PIWIL3: variants seen among roughly 807,000 people sequenced by gnomAD.
PIWIL3 encodes piwi like RNA-mediated gene silencing 3.
In PIWIL3, 101 loss-of-function variants were observed where a neutral mutation model predicts 109.7. The ratio of observed to expected loss-of-function variants is 0.92; its 90% CI spans 0.78 to 1.09. The LOEUF (loss-of-function observed/expected upper bound fraction) is 1.09, where lower values mean the gene tolerates loss of function less well. PIWIL3 is among the 50% of genes least tolerant of loss of function. The probability of loss-of-function intolerance (pLI) is 0.00; values close to 1 mark genes in which losing one functional copy is unlikely to be tolerated. For missense variants in PIWIL3, 1,031 were observed against 1,072.6 expected (o/e 0.96, Z 0.54); for synonymous variants, 373 against 376.4 (o/e 0.99, Z 0.10).
At chr22:24,739,086 A>C (rs1008159107) in intron 12 of PIWIL3, among the ~76,000 whole-genome samples, 8 of 152,144 alleles carry the variant, frequency 5.3e-5, no homozygotes, top group Non-Finnish European at 8.8e-5. Flanking sequence ...TATTGAATAC[A>C]TCAGAGTCTC....
At chr22:24,751,037 T>C (rs1197087100) in intron 9 of PIWIL3, among the ~76,000 whole-genome samples, 1 of 151,478 alleles carries the variant, frequency 6.6e-6, no homozygotes, top group East Asian at 2.0e-4. Context: ...GGCAGGAAAA[T>C]TGCTTGAACC....
At chr22:24,740,557 A>C (rs1463837274) in intron 12 of PIWIL3, among the ~76,000 whole-genome samples, 1 of 151,406 alleles carries the variant, frequency 6.6e-6, no homozygotes, top group Non-Finnish European at 1.5e-5. Context: ...CAAAAAAAAA[A>C]AAAAGAAAGA....
chr22:24,773,022 G>A (rs959207676), intron 1 of PIWIL3, among the ~76,000 whole-genome samples: 2 of 152,136 alleles, frequency 1.3e-5, no homozygotes, highest in African/African-American at 2.4e-5. Flanking sequence ...TGCTCCACGT[G>A]TCTGTGTCCA....
At chr22:24,758,507 T>C (rs984254298) in intron 3 of PIWIL3, among the ~76,000 whole-genome samples, 2 of 152,254 alleles carry the variant, frequency 1.3e-5, no homozygotes, top group Non-Finnish European at 2.9e-5. Context: ...CATTCTAAGG[T>C]TCATATCGAT....
At chr22:24,769,077 T>C (rs1925972929) in intron 1 of PIWIL3, among the ~76,000 whole-genome samples, 1 of 152,152 alleles carries the variant, frequency 6.6e-6, no homozygotes, top group Non-Finnish European at 1.5e-5. Context: ...GGTTCCACAG[T>C]CTACCGCTGA....
At chr22:24,760,375 G>C (rs1925352962) in intron 2 of PIWIL3, among the ~76,000 whole-genome samples, 1 of 152,136 alleles carries the variant, frequency 6.6e-6, no homozygotes, top group African/African-American at 2.4e-5. Flanking sequence ...TTCTGCAGTT[G>C]GGAACGTTCA....
intron 12 of PIWIL3, among the ~76,000 whole-genome samples, chr22:24,743,113 A>G (rs764444559): frequency 6.6e-6 from 1 of 152,196 alleles, no homozygotes; most frequent in African/African-American, 2.4e-5. Context: ...ACAAATGGCC[A>G]ACATGAAAAC....
Position 24,762,524 on chromosome 22 carries a change from G to A in PIWIL3, c.-22-3C>T. 6.2e-7 allele frequency: 1 copy of A among 1,600,650 alleles called. No homozygotes were observed. The highest frequency in any genetic ancestry group is 8.5e-7 in the Non-Finnish European group (1 of 1,175,062). ...TTGTGGTCCTGAAGGTGATGACCCT[G>A]AAGAATACAGTTATATTAGACATCT... On this transcript the variant is annotated splice_polypyrimidine_tract_variant and splice_region_variant and intron_variant, in intron 1 of 20. Transcript: ENST00000616349.
chr22:24,746,561 G>C (rs917037251), intron 12 of PIWIL3, among the ~76,000 whole-genome samples: 7 of 146,624 alleles, frequency 4.8e-5, no homozygotes, highest in African/African-American at 1.7e-4. Flanking sequence ...CCTAGCTAGA[G>C]TCATCATACA....
At chr22:24,734,193 C>G (rs200400822) in intron 13 of PIWIL3, 37 bp from the exon 14 acceptor site, 1 of 1,593,454 alleles carries the variant, frequency 6.3e-7, no homozygotes, top group Admixed American at 1.8e-5. Context: ...CCAAAAGATA[C>G]CAACCAGTGA....
At chr22:24,757,079 C>CAAAAAAAAAAAAAAAAAAAA (rs71189275) in intron 4 of PIWIL3, among the ~76,000 whole-genome samples, 39 of 91,724 alleles carry the variant, frequency 4.3e-4, no homozygotes, top group Non-Finnish European at 6.0e-4. Flanking sequence ...AACTCCGTCT[C>CAAAAAAAAAAAAAAAAAAAA]AAAAAAAAAA....
chr22:24,762,614 A>G, intron 1 of PIWIL3, 93 bp from the exon 2 acceptor site: 1 of 1,084,524 alleles, frequency 9.2e-7, no homozygotes, highest in Non-Finnish European at 1.3e-6. Context: ...GAGGCTGGGT[A>G]ATTTATAAAG....
intron 1 of PIWIL3, among the ~76,000 whole-genome samples, chr22:24,773,385 A>C (rs1311808954): frequency 6.6e-6 from 1 of 152,140 alleles, no homozygotes; most frequent in African/African-American, 2.4e-5. Context: ...TCTGCAGTGG[A>C]GGTCCCGGCA....
In PIWIL3 at chr22:24,749,752, C is replaced by T; in HGVS notation, c.1157G>A (p.Gly386Asp). 4 of 1,613,938 alleles carry T rather than the reference C, an allele frequency of 2.5e-6. No homozygotes were observed. Among genetic ancestry groups the T allele is most frequent in the Non-Finnish European group, 3.4e-6 (4 of 1,179,986 alleles). The stretch of plus-strand genomic sequence containing the variant: ...AGGTTCACGTTGTGTACCCGTTAGG[C>T]CCTTTTTCCATCTGCCCTGGCTGAC... ...LLVSQGRWKK[G>D]LTGTQREPIL... Residue 386 changes from glycine (G) to aspartate (D), a missense_variant, in exon 10 of 21, where the codon GGC becomes GAC. Coordinates refer to ENST00000616349, the MANE Select transcript of PIWIL3 (RefSeq NM_001255975.1).
At chr22:24,756,771 CACT>C in intron 4 of PIWIL3, 66 bp from the exon 5 acceptor site, 1 of 1,386,168 alleles carries the variant, frequency 7.2e-7, no homozygotes, top group Non-Finnish European at 1.0e-6. Flanking sequence ...ACAGTTTGGA[CACT>C]ACAATATTAA....
chr22:24,722,300 T>G (rs1316672789), intron 19 of PIWIL3, among the ~76,000 whole-genome samples: 1 of 152,124 alleles, frequency 6.6e-6, no homozygotes, highest in Non-Finnish European at 1.5e-5. Context: ...GCCAGGATGG[T>G]CTCTATCTCT....
intron 12 of PIWIL3, among the ~76,000 whole-genome samples, chr22:24,742,829 A>T (rs1924089905): frequency 6.6e-6 from 1 of 152,240 alleles, no homozygotes; most frequent in Non-Finnish European, 1.5e-5. Flanking sequence ...CCTTCTAGAC[A>T]TTGGCTTGGG....
At chr22:24,735,378 G>A (rs571140081) in intron 13 of PIWIL3, among the ~76,000 whole-genome samples, 20 of 152,100 alleles carry the variant, frequency 1.3e-4, no homozygotes, top group Admixed American at 3.9e-4. Flanking sequence ...TATATGAGAA[G>A]TCTCTAATCT....
intron 2 of PIWIL3, among the ~76,000 whole-genome samples, chr22:24,760,809 G>A (rs1296961676): frequency 9.4e-6 from 1 of 106,926 alleles, no homozygotes; most frequent in African/African-American, 3.2e-5. Flanking sequence ...AAAAAGCTGT[G>A]ACAGGATACC....
Sources: gnomAD v4.1 joint callset for allele counts (sites outside exome capture counted in the v4.1 genomes callset) on GRCh38, gnomAD v4.1.1 for gene constraint, MANE v1.5 for transcripts, NCBI Gene and HGNC (gene_info 2026-07-23, HGNC 2026-07-21) for gene names.